SGCD: variants seen among roughly 807,000 people sequenced by gnomAD.
SGCD encodes sarcoglycan delta.
SGCD carries 18 observed loss-of-function variants against 36.6 expected under a neutral mutation model. That is an observed-to-expected ratio of 0.49 (90% confidence interval 0.34 to 0.73). The LOEUF is 0.73. Among genes scored for constraint, SGCD ranks in the 30% least tolerant of loss-of-function variants. The probability of loss-of-function intolerance (pLI) is 0.01; values close to 1 mark genes in which losing one functional copy is unlikely to be tolerated. For synonymous variants in SGCD, 133 were observed against 130.6 expected, an observed-to-expected ratio of 1.02 and a Z score of -0.12; for missense variants, 387 against 346.7, an observed-to-expected ratio of 1.12 and a Z score of -0.92.
chr5:156,099,251 A>G (rs1333466867), intron 1 of SGCD, among the ~76,000 whole-genome samples: 1 of 152,150 alleles, frequency 6.6e-6, no homozygotes, highest in African/African-American at 2.4e-5. Context: ...TGTGCTTGGC[A>G]TGGAGAAATG....
intron 1 of SGCD, among the ~76,000 whole-genome samples, chr5:155,892,157 G>C (rs1756146799): frequency 6.6e-6 from 1 of 152,018 alleles, no homozygotes; most frequent in South Asian, 2.1e-4. Flanking sequence ...GGATCAAGCA[G>C]GACATGAAAG....
At chr5:156,055,940 G>A (rs1258669303) in intron 1 of SGCD, among the ~76,000 whole-genome samples, 1 of 146,202 alleles carries the variant, frequency 6.8e-6, no homozygotes, top group South Asian at 2.2e-4. Context: ...CGACTTAGAG[G>A]ACACTAAAAC....
rs1386875761 is a variant in SGCD at position 156,067,930 on chromosome 5, G to A, written c.-281-49948G>A. ...TCGCTCACGCTGGGAGCTGTAGACC[G>A]GAGCTGTTCCTATTCGGCCATCTTG... is the stretch of plus-strand genomic sequence containing the variant. On this transcript the variant is annotated intron_variant, in intron 1 of 9. Transcript: ENST00000517913. 9.7e-4 allele frequency among the ~76,000 whole-genome samples: 143 copies of A among 147,860 alleles called. 4 individuals carry two copies. The highest frequency in any genetic ancestry group is 1.7e-3 in the Non-Finnish European group (116 of 67,592).
the SGCD span, among the ~76,000 whole-genome samples, chr5:155,811,102 C>T: frequency 6.6e-6 from 1 of 152,044 alleles, no homozygotes; most frequent in Non-Finnish European, 1.5e-5. Context: ...CAGGCGTGAG[C>T]CACCGCGCCC....
chr5:156,291,414 C>T (rs1290143380), intron 3 of SGCD, among the ~76,000 whole-genome samples: 6 of 151,900 alleles, frequency 3.9e-5, no homozygotes, highest in Non-Finnish European at 7.4e-5. Flanking sequence ...AATAATGAAT[C>T]AATAAAATGA....
chr5:155,754,061 G>A, the SGCD span, among the ~76,000 whole-genome samples: 1 of 152,160 alleles, frequency 6.6e-6, no homozygotes, highest in East Asian at 1.9e-4. Context: ...CTGTGTATGG[G>A]GAGTACCAGG....
intron 4 of SGCD, among the ~76,000 whole-genome samples, chr5:156,524,286 G>A (rs1324751110): frequency 1.2e-5 from 1 of 85,854 alleles, no homozygotes; most frequent in East Asian, 2.4e-4. Flanking sequence ...AATATATATA[G>A]TTATATATAT....
chr5:156,288,035 G>T (rs1383155387), intron 3 of SGCD, among the ~76,000 whole-genome samples: 1 of 152,206 alleles, frequency 6.6e-6, no homozygotes, highest in East Asian at 1.9e-4. Context: ...AACATTCTAT[G>T]AGGACTAAGA....
chr5:156,088,228 G>A (rs1761150845), intron 1 of SGCD, among the ~76,000 whole-genome samples: 1 of 151,994 alleles, frequency 6.6e-6, no homozygotes, highest in Non-Finnish European at 1.5e-5. Flanking sequence ...GAGTTCTGGG[G>A]CCTTACTTCT....
intron 4 of SGCD, among the ~76,000 whole-genome samples, chr5:156,556,451 T>G (rs1759025125): frequency 6.6e-6 from 1 of 152,166 alleles, no homozygotes; most frequent in Non-Finnish European, 1.5e-5. Context: ...CTCCACTCTA[T>G]CCTTTGTTTA....
chr5:156,649,876 T>TA (rs766557887), intron 7 of SGCD, among the ~76,000 whole-genome samples: 1 of 151,676 alleles, frequency 6.6e-6, no homozygotes, highest in Non-Finnish European at 1.5e-5. Flanking sequence ...ATTTTTTTTT[T>TA]AAAAAGCAGG....
At chr5:156,179,035 C>CA (rs887528926) in intron 3 of SGCD, among the ~76,000 whole-genome samples, 34 of 152,134 alleles carry the variant, frequency 2.2e-4, no homozygotes, top group Non-Finnish European at 1.2e-4. Context: ...ATCTCAGAAT[C>CA]AAAATAGGAA....
At chr5:156,249,157 T>C (rs1765513200) in intron 3 of SGCD, among the ~76,000 whole-genome samples, 1 of 152,206 alleles carries the variant, frequency 6.6e-6, no homozygotes, top group African/African-American at 2.4e-5. Flanking sequence ...GGTGAGATTA[T>C]GGAGTCACAC....
At chr5:156,541,192 C>T (rs1165723068) in intron 4 of SGCD, among the ~76,000 whole-genome samples, 1 of 152,138 alleles carries the variant, frequency 6.6e-6, no homozygotes, top group Non-Finnish European at 1.5e-5. Context: ...AGTAGTAACA[C>T]AATGGAAGAG....
At chr5:155,904,498 C>T (rs760638172) in intron 1 of SGCD, among the ~76,000 whole-genome samples, 1 of 152,160 alleles carries the variant, frequency 6.6e-6, no homozygotes, top group South Asian at 2.1e-4. Context: ...CTTTGTCTAT[C>T]ATTTTTAATT....
rs1342319563 is a variant in SGCD at position 156,057,002 on chromosome 5, G to A, written c.-281-60876G>A. On this transcript the variant is annotated intron_variant, in intron 1 of 9. Transcript: ENST00000517913. Reference sequence around the variant, plus strand: ...TACGTTTGAAATACTCCATGCAAGTGGTTTATCTATACAGATAGTCATTAA... The same window carrying A: ...TACGTTTGAAATACTCCATGCAAGTAGTTTATCTATACAGATAGTCATTAA... 1.4e-5 allele frequency among the ~76,000 whole-genome samples: 2 copies of A among 146,040 alleles called. 1 individual carries two copies. Among genetic ancestry groups the A allele is most frequent in the Non-Finnish European group, 3.1e-5 (2 of 64,894 alleles).
At chr5:156,416,331 A>G (rs766173614) in intron 3 of SGCD, among the ~76,000 whole-genome samples, 1 of 152,208 alleles carries the variant, frequency 6.6e-6, no homozygotes, top group Non-Finnish European at 1.5e-5. Flanking sequence ...ACACAAAGGC[A>G]TAAGAATGAT....
the SGCD span, among the ~76,000 whole-genome samples, chr5:155,844,985 G>A: frequency 2.0e-5 from 3 of 152,090 alleles, no homozygotes; most frequent in East Asian, 3.9e-4. Flanking sequence ...CCATCAACCC[G>A]TCATCTACAT....
At chr5:155,752,654 A>T in the SGCD span, among the ~76,000 whole-genome samples, 1 of 152,178 alleles carries the variant, frequency 6.6e-6, no homozygotes, top group Non-Finnish European at 1.5e-5. Context: ...TAGCACAGTT[A>T]TAATTTATTT....
Sources: gnomAD v4.1 joint callset for allele counts (sites outside exome capture counted in the v4.1 genomes callset) on GRCh38, gnomAD v4.1.1 for gene constraint, MANE v1.5 for transcripts, NCBI Gene and HGNC (gene_info 2026-07-23, HGNC 2026-07-21) for gene names.